Variants in MAGI3 observed in about 807,000 individuals in gnomAD.
MAGI3 encodes the protein membrane-associated guanylate kinase, WW and PDZ domain-containing protein 3.
MAGI3 carries 43 observed loss-of-function variants against 121.8 expected under a neutral mutation model. That is an observed-to-expected ratio of 0.35 (90% CI 0.28 to 0.46). The LOEUF (loss-of-function observed/expected upper bound fraction) is 0.46, where lower values mean the gene tolerates loss of function less well. Ranked by LOEUF, MAGI3 falls within the 20% of genes least tolerant of loss-of-function variation. The pLI is 1.00. For synonymous variants in MAGI3, 553 were observed against 639.3 expected (o/e 0.86, Z 2.04); for missense variants, 1,547 against 1,797.3 (o/e 0.86, Z 2.52).
chr1:113,511,253 G>T (rs1414924236), intron 1 of MAGI3, among the ~76,000 whole-genome samples: 1 of 152,164 alleles, frequency 6.6e-6, no homozygotes, highest in Non-Finnish European at 1.5e-5. Context: ...TAATTTAGTT[G>T]TGGGTAGGGG....
chr1:113,514,704 A>AGCATGGC (rs1469621418), intron 1 of MAGI3, among the ~76,000 whole-genome samples: 1 of 152,198 alleles, frequency 6.6e-6, no homozygotes, highest in South Asian at 2.1e-4. Flanking sequence ...GCAGCACACC[A>AGCATGGC]GCATGGCACA....
intron 1 of MAGI3, among the ~76,000 whole-genome samples, chr1:113,488,541 G>A (rs1656512060): frequency 6.6e-6 from 1 of 152,178 alleles, no homozygotes; most frequent in African/African-American, 2.4e-5. Flanking sequence ...GTTTCAGCAG[G>A]GTGGTTTCTG....
intron 1 of MAGI3, among the ~76,000 whole-genome samples, chr1:113,412,325 A>G (rs545264914): frequency 2.0e-5 from 3 of 152,270 alleles, no homozygotes; most frequent in Admixed American, 6.5e-5. Flanking sequence ...TAGTGCCGCA[A>G]TAAACATACG....
At chr1:113,613,606 G>C (rs1650291529) in intron 6 of MAGI3, among the ~76,000 whole-genome samples, 1 of 152,244 alleles carries the variant, frequency 6.6e-6, no homozygotes, top group South Asian at 2.1e-4. Flanking sequence ...TACTTTTTGT[G>C]TGTGTGTCTT....
chr1:113,608,559 A>G (rs1386738060), intron 6 of MAGI3, among the ~76,000 whole-genome samples: 3 of 152,130 alleles, frequency 2.0e-5, no homozygotes, highest in African/African-American at 7.2e-5. Flanking sequence ...CCTCCTCCCA[A>G]CGGGCAGACA....
At chr1:113,629,366 CT>C (rs1651451095) in intron 9 of MAGI3, among the ~76,000 whole-genome samples, 1 of 152,154 alleles carries the variant, frequency 6.6e-6, no homozygotes, top group East Asian at 1.9e-4. Flanking sequence ...CTCAAAACAA[CT>C]ATTTTTAATT....
At chr1:113,541,903 T>A (rs538906751) in intron 1 of MAGI3, among the ~76,000 whole-genome samples, 2 of 152,346 alleles carry the variant, frequency 1.3e-5, no homozygotes, top group Admixed American at 1.3e-4. Flanking sequence ...TCTCAGTTCC[T>A]CTAACCACTG....
intron 1 of MAGI3, among the ~76,000 whole-genome samples, chr1:113,408,905 A>G (rs1195250502): frequency 2.0e-5 from 3 of 152,060 alleles, no homozygotes; most frequent in East Asian, 1.9e-4. Flanking sequence ...TTTCACCCCC[A>G]GGATACCTAA....
At chr1:113,550,107 CTCTG>C (rs1246324005) in intron 2 of MAGI3, among the ~76,000 whole-genome samples, 1 of 105,484 alleles carries the variant, frequency 9.5e-6, no homozygotes, top group African/African-American at 3.7e-5. Context: ...CAGAGCGATA[CTCTG>C]TCTAAAAAAA....
chr1:113,625,844 T>C (rs182354870), intron 9 of MAGI3, among the ~76,000 whole-genome samples: 4 of 152,362 alleles, frequency 2.6e-5, no homozygotes, highest in Admixed American at 6.5e-5. Context: ...TATATATGGC[T>C]TTTATTATAT....
chr1:113,610,341 T>C (rs1409128046), intron 6 of MAGI3, among the ~76,000 whole-genome samples: 1 of 152,168 alleles, frequency 6.6e-6, no homozygotes, highest in Non-Finnish European at 1.5e-5. Flanking sequence ...TCTTACTTTC[T>C]CCATCTGCCG....
chr1:113,608,233 G>A (rs1392389492), intron 6 of MAGI3, among the ~76,000 whole-genome samples: 1 of 151,998 alleles, frequency 6.6e-6, no homozygotes, highest in Non-Finnish European at 1.5e-5. Context: ...GGGAAGAGAG[G>A]GAGGGAGGGA....
At chr1:113,432,069 A>T (rs1323519225) in intron 1 of MAGI3, among the ~76,000 whole-genome samples, 2 of 152,206 alleles carry the variant, frequency 1.3e-5, no homozygotes, top group Non-Finnish European at 2.9e-5. Flanking sequence ...TGTATGTCAG[A>T]GTGACACTGC....
rs183587284 is a variant in MAGI3 at position 113,535,622 on chromosome 1, C to G, written c.317-13893C>G. 2.0e-5 allele frequency among the ~76,000 whole-genome samples: 3 copies of G among 152,172 alleles called. No individual in the cohort carries two copies. In the South Asian group the frequency reaches 6.2e-4, roughly 32 times the overall value. ...GTAGATCTTTTTCTAAGAGGATATGCAAGTATATGTTAATAGATATTGCCA... is the reference window on the plus strand; with the variant it reads ...GTAGATCTTTTTCTAAGAGGATATGGAAGTATATGTTAATAGATATTGCCA... On this transcript the variant is annotated intron_variant, in intron 1 of 20. Coordinates refer to ENST00000307546, the MANE Select transcript of MAGI3 (RefSeq NM_001142782.2).
At chr1:113,508,228 T>G (rs1657438667) in intron 1 of MAGI3, among the ~76,000 whole-genome samples, 1 of 152,200 alleles carries the variant, frequency 6.6e-6, no homozygotes, top group Non-Finnish European at 1.5e-5. Flanking sequence ...AAACATGGTA[T>G]GTAAACATGG....
At chr1:113,591,103 G>A (rs1476151272) in intron 5 of MAGI3, among the ~76,000 whole-genome samples, 1 of 152,060 alleles carries the variant, frequency 6.6e-6, no homozygotes, top group Non-Finnish European at 1.5e-5. Flanking sequence ...GTTGAATGAT[G>A]TAGGAAGAAA....
intron 2 of MAGI3, among the ~76,000 whole-genome samples, chr1:113,553,349 A>C (rs1285283844): frequency 6.6e-6 from 1 of 152,200 alleles, no homozygotes; most frequent in East Asian, 1.9e-4. Flanking sequence ...GGAGAGGGCT[A>C]TGAAGAAAAA....
At chr1:113,644,345 A>G (rs1652715452) in intron 11 of MAGI3, among the ~76,000 whole-genome samples, 1 of 152,076 alleles carries the variant, frequency 6.6e-6, no homozygotes, top group African/African-American at 2.4e-5. Flanking sequence ...CAGTGGCGCT[A>G]TCTCGGCTCA....
chr1:113,557,793 T>C (rs1244598158), intron 2 of MAGI3, among the ~76,000 whole-genome samples: 1 of 152,086 alleles, frequency 6.6e-6, no homozygotes, highest in African/African-American at 2.4e-5. Context: ...AGCCACCTCC[T>C]ACAGGTACGT....
Sources: allele counts gnomAD v4.1 joint callset (sites outside exome capture counted in the v4.1 genomes callset), GRCh38; gene constraint gnomAD v4.1.1; transcripts MANE v1.5; gene names NCBI Gene and HGNC (gene_info 2026-07-23, HGNC 2026-07-21).